Variants in LRRC4C observed in about 807,000 individuals in gnomAD.
LRRC4C encodes the protein leucine rich repeat containing 4C.
LRRC4C carries 5 observed loss-of-function variants against 33.6 expected under a neutral mutation model. The ratio of observed to expected loss-of-function variants is 0.15; its 90% CI spans 0.08 to 0.31. LRRC4C has a LOEUF of 0.31. Among genes scored for constraint, LRRC4C ranks in the 10% least tolerant of loss-of-function variants. LRRC4C has a pLI of 1.00. For synonymous variants in LRRC4C, 329 were observed against 302.0 expected (o/e 1.09, Z -0.93); for missense variants, 560 against 796.7 (o/e 0.70, Z 3.58).
chr11:41,434,863 C>T (rs1955372630), intron 1 of LRRC4C, among the ~76,000 whole-genome samples: 1 of 152,136 alleles, frequency 6.6e-6, no homozygotes, highest in Admixed American at 6.6e-5. Flanking sequence ...GCTGGCTCAG[C>T]TAAGAATACT....
chr11:40,873,456 A>C (rs1375642619), intron 2 of LRRC4C, among the ~76,000 whole-genome samples: 1 of 152,142 alleles, frequency 6.6e-6, no homozygotes, highest in East Asian at 1.9e-4. Context: ...CAGTAGCTGT[A>C]CTCACAATTT....
chr11:40,577,160 A>G (rs530045946), intron 3 of LRRC4C, among the ~76,000 whole-genome samples: 2 of 152,302 alleles, frequency 1.3e-5, no homozygotes, highest in East Asian at 3.9e-4. Flanking sequence ...ACACTAGGAG[A>G]GAAGGATATT....
intron 5 of LRRC4C, among the ~76,000 whole-genome samples, chr11:40,158,318 A>G (rs1373429979): frequency 1.3e-5 from 2 of 152,114 alleles, no homozygotes; most frequent in Non-Finnish European, 2.9e-5. Flanking sequence ...TGCAGTGTAT[A>G]CTGCTCAAGT....
intron 1 of LRRC4C, among the ~76,000 whole-genome samples, chr11:41,150,873 T>C (rs1481802957): frequency 6.6e-6 from 1 of 152,032 alleles, no homozygotes; most frequent in Non-Finnish European, 1.5e-5. Flanking sequence ...AAGCAAAATA[T>C]TGTTTTTCAA....
intron 3 of LRRC4C, among the ~76,000 whole-genome samples, chr11:40,410,166 C>G (rs1031562416): frequency 4.0e-5 from 6 of 151,742 alleles, no homozygotes; most frequent in African/African-American, 1.5e-4. Context: ...GACCATTAGT[C>G]TAGAAACATG....
In LRRC4C at chr11:41,047,855, T is replaced by C. The variant is rs116203889; in HGVS notation, c.-495-114132A>G. ...ATACTTTCTCATGGTGTCCCTCACCTTGATGTGTATATACACACACACACA... is the reference window on the plus strand; with the variant it reads ...ATACTTTCTCATGGTGTCCCTCACCCTGATGTGTATATACACACACACACA... On this transcript the variant is annotated intron_variant, in intron 1 of 6. Transcript: ENST00000528697. Among the ~76,000 whole-genome samples the C allele has an allele frequency of 3.4e-3, 521 of 152,288 alleles. 1 individual carries two copies. Among genetic ancestry groups the C allele is most frequent in the African/African-American group, 0.012 (490 of 41,556 alleles).
chr11:41,190,216 C>T (rs1266392230), intron 1 of LRRC4C, among the ~76,000 whole-genome samples: 2 of 152,096 alleles, frequency 1.3e-5, no homozygotes, highest in East Asian at 1.9e-4. Context: ...ACTTGTCCTT[C>T]CACCTGAGCC....
chr11:41,078,901 C>A (rs1939355765), intron 1 of LRRC4C, among the ~76,000 whole-genome samples: 1 of 152,148 alleles, frequency 6.6e-6, no homozygotes, highest in African/African-American at 2.4e-5. Context: ...TTCATACAAA[C>A]CTCCATTCCA....
At chr11:40,260,494 T>G (rs1220905706) in intron 4 of LRRC4C, among the ~76,000 whole-genome samples, 4 of 150,692 alleles carry the variant, frequency 2.7e-5, no homozygotes, top group African/African-American at 9.8e-5. Flanking sequence ...GCATGGCACA[T>G]GTATACATAT....
chr11:40,119,335 C>T (rs1855660070), intron 6 of LRRC4C, among the ~76,000 whole-genome samples: 1 of 152,196 alleles, frequency 6.6e-6, no homozygotes, highest in Admixed American at 6.5e-5. Flanking sequence ...AGCAAAAATA[C>T]TTGACTAATA....
At chr11:40,807,346 C>T (rs1951297794) in intron 2 of LRRC4C, among the ~76,000 whole-genome samples, 1 of 152,176 alleles carries the variant, frequency 6.6e-6, no homozygotes, top group South Asian at 2.1e-4. Flanking sequence ...TTTTTATTGT[C>T]ATCCCCAGAC....
intron 1 of LRRC4C, among the ~76,000 whole-genome samples, chr11:41,446,066 A>C (rs1232924210): frequency 6.6e-6 from 1 of 152,228 alleles, no homozygotes; most frequent in African/African-American, 2.4e-5. Flanking sequence ...ACGTTAAAAC[A>C]AGTGAAAGTG....
At chr11:40,227,325 G>A (rs769593179) in intron 5 of LRRC4C, among the ~76,000 whole-genome samples, 1 of 152,186 alleles carries the variant, frequency 6.6e-6, no homozygotes, top group Non-Finnish European at 1.5e-5. Flanking sequence ...ATCTGCATAA[G>A]TAGGTGATGC....
chr11:40,760,892 T>TAA, intron 2 of LRRC4C, among the ~76,000 whole-genome samples: 1 of 146,664 alleles, frequency 6.8e-6, no homozygotes, highest in Admixed American at 6.9e-5. Context: ...TATATATATA[T>TAA]AAATATATAT....
chr11:41,035,332 G>A (rs911215683), intron 1 of LRRC4C, among the ~76,000 whole-genome samples: 18 of 151,994 alleles, frequency 1.2e-4, no homozygotes, highest in African/African-American at 4.4e-4. Context: ...TAGGTATTAA[G>A]GTCAGCATGT....
chr11:40,948,993 G>T lies in LRRC4C; in HGVS notation c.-495-15270C>A, dbSNP rs370091863. ...GTTTACAGTCCCACCAACAGTGTAA[G>T]AGTGTTCCTATTTCTCCACATCCTC... On this transcript the variant is annotated intron_variant, in intron 1 of 6. Coordinates refer to ENST00000528697, the MANE Select transcript of LRRC4C (RefSeq NM_001258419.2). Among the ~76,000 whole-genome samples, 6 of 152,066 alleles carry T rather than the reference G, an allele frequency of 3.9e-5. No homozygotes were observed. In the South Asian group the frequency reaches 1.0e-3, roughly 26 times the overall value.
chr11:40,638,641 C>A (rs1445930719), intron 3 of LRRC4C, among the ~76,000 whole-genome samples: 1 of 151,902 alleles, frequency 6.6e-6, no homozygotes, highest in Non-Finnish European at 1.5e-5. Flanking sequence ...GGAGGAAGTT[C>A]TACTTTTTTC....
chr11:40,942,985 T>C (rs867127713), intron 1 of LRRC4C, among the ~76,000 whole-genome samples: 1 of 152,184 alleles, frequency 6.6e-6, no homozygotes. Flanking sequence ...AATAGTAGTA[T>C]ACTTAGCAGC....
chr11:41,377,711 T>C (rs1027931150), intron 1 of LRRC4C, among the ~76,000 whole-genome samples: 6 of 152,148 alleles, frequency 3.9e-5, no homozygotes, highest in Non-Finnish European at 7.4e-5. Flanking sequence ...CAGAGCCACC[T>C]GAAAAGCACT....
Sources: allele counts gnomAD v4.1 joint callset (sites outside exome capture counted in the v4.1 genomes callset), GRCh38; gene constraint gnomAD v4.1.1; transcripts MANE v1.5; gene names NCBI Gene and HGNC (gene_info 2026-07-23, HGNC 2026-07-21).